Variants in ZNF121 observed in about 807,000 individuals in gnomAD.
ZNF121 encodes zinc finger protein 121 (clone ZHC32).
Under a neutral mutation model 2.4 loss-of-function variants are expected in ZNF121, and 1 was observed. The observed-to-expected ratio is 0.41, with a 90% CI of 0.15 to 1.94. The LOEUF is 1.94. ZNF121 is among the 30% of genes most tolerant of loss of function. The probability of loss-of-function intolerance (pLI) is 0.30; values close to 1 mark genes in which losing one functional copy is unlikely to be tolerated. For synonymous variants in ZNF121, 173 were observed against 158.6 expected (o/e 1.09, Z -0.68); for missense variants, 369 against 466.3 (o/e 0.79, Z 1.92).
chr19:9,574,146 T>G (rs911682021), intron 1 of ZNF121, among the ~76,000 whole-genome samples: 10 of 151,932 alleles, frequency 6.6e-5, no homozygotes, highest in African/African-American at 2.4e-4. Flanking sequence ...CCATTTTAAT[T>G]TATTTATACA....
Position 9,560,329 on chromosome 19 carries a change from TTC to T in ZNF121, c.*5609_*5610del, listed in dbSNP as rs2074094285. ...AAAGCACAAAATTGACCCAAGTAAC[TTC>T]TTTTATTACAATTTTTATTGTGATA... On this transcript the variant is annotated 3_prime_UTR_variant, in exon 4 of 4. Transcript: ENST00000320451. 1.3e-5 allele frequency: 2 copies of T among 152,244 alleles called. No individual in the cohort carries two copies. The highest frequency in any genetic ancestry group is 4.8e-5 in the African/African-American group (2 of 41,476). The allele number at this position is 152,244 out of a possible 1,614,324, so 9.4% of individuals were successfully genotyped here.
Position 9,565,353 on chromosome 19 carries a change from CAAAAAAAAAAAAAA to C in ZNF121, c.*573_*586del, listed in dbSNP as rs71185609. 42 of 29,870 alleles carry C rather than the reference CAAAAAAAAAAAAAA, an allele frequency of 1.4e-3. No individual in the cohort carries two copies. Among genetic ancestry groups the C allele is most frequent in the East Asian group, 5.7e-3 (4 of 698 alleles). The allele number at this position is 29,870 out of a possible 1,614,324, so 1.9% of individuals were successfully genotyped here. A position where few individuals can be genotyped will look rare whatever the true frequency, so the allele number is the denominator to read the frequency against. ...AAGAATGTGTATTAACAACGACTTA[CAAAAAAAAAAAAAA>C]AAAAAAAAAAAAAAAAAAAAGGCCA... On this transcript the variant is annotated 3_prime_UTR_variant, in exon 4 of 4. Transcript: ENST00000320451.
At position 9,563,950 on chromosome 19, in the gene ZNF121, A is replaced by C. The variant is rs1048665693; in HGVS notation, c.*1990T>G. ...TTTCAAAATATTACCACTGATAATGAACCTACTAACCAAGAGCTCTTATGG... is the reference window on the plus strand; with the variant it reads ...TTTCAAAATATTACCACTGATAATGCACCTACTAACCAAGAGCTCTTATGG... On this transcript the variant is annotated 3_prime_UTR_variant, in exon 4 of 4. Transcript: ENST00000320451. The C allele has an allele frequency of 6.6e-6, 1 of 152,204 alleles. No homozygotes were observed. Among genetic ancestry groups the C allele is most frequent in the African/African-American group, 2.4e-5 (1 of 41,448 alleles). The allele number at this position is 152,204 out of a possible 1,614,324, so 9.4% of individuals were successfully genotyped here.
In ZNF121 at chr19:9,582,944, G is replaced by A. The variant is rs184747331; in HGVS notation, c.-160+1517C>T. ...TAAAGCCTCCATCCTGGCCAGGAGC[G>A]GAGGCTCACGCCTGTAATCCCAGCT... On this transcript the variant is annotated intron_variant, in intron 1 of 3. Coordinates refer to ENST00000320451, the MANE Select transcript of ZNF121 (RefSeq NM_001008727.5). 8.1e-3 allele frequency among the ~76,000 whole-genome samples: 444 copies of A among 55,022 alleles called. 4 individuals carry two copies. The highest frequency in any genetic ancestry group is 0.058 in the African/African-American group (428 of 7,436). 36.1% of individuals were successfully genotyped at this position (55,022 alleles called of 152,430 possible). A position where few individuals can be genotyped will look rare whatever the true frequency, so the allele number is the denominator to read the frequency against.
chr19:9,575,321 G>A (rs1157841653), intron 1 of ZNF121, among the ~76,000 whole-genome samples: 4 of 152,226 alleles, frequency 2.6e-5, no homozygotes, highest in East Asian at 1.9e-4. Context: ...TACACTGGAG[G>A]CTGAGGCAGG....
At position 9,584,474 on chromosome 19, in the gene ZNF121, G is replaced by A. The variant is rs1458688851; in HGVS notation, c.-173C>T. 6.6e-6 allele frequency: 1 copy of A among 152,324 alleles called. No homozygotes were observed. The highest frequency in any genetic ancestry group is 1.5e-5 in the Non-Finnish European group (1 of 68,130). 9.4% of individuals were successfully genotyped at this position (152,324 alleles called of 1,614,324 possible). On this transcript the variant is annotated 5_prime_UTR_variant, in exon 1 of 4. Coordinates refer to ENST00000320451, the MANE Select transcript of ZNF121 (RefSeq NM_001008727.5). Reference sequence around the variant, plus strand: ...GGCGGAACTCACCACAGCCAGGGTGGACTCCACCACGATAAAGGCGAAATG... The same window carrying A: ...GGCGGAACTCACCACAGCCAGGGTGAACTCCACCACGATAAAGGCGAAATG...
chr19:9,571,872 C>CA (rs1370344247), intron 1 of ZNF121, among the ~76,000 whole-genome samples: 9 of 152,204 alleles, frequency 5.9e-5, no homozygotes, highest in Non-Finnish European at 1.3e-4. Context: ...CCTCCTGCCT[C>CA]AGCCTCCCGA....
intron 1 of ZNF121, among the ~76,000 whole-genome samples, chr19:9,573,014 C>G: frequency 6.9e-6 from 1 of 145,224 alleles, no homozygotes; most frequent in South Asian, 2.2e-4. Context: ...GACCTTGTCT[C>G]AAAACAACAA....
Position 9,565,176 on chromosome 19 carries a change from G to A in ZNF121, c.*764C>T, listed in dbSNP as rs752524593. 17 of 151,698 alleles carry A rather than the reference G, an allele frequency of 1.1e-4. No homozygotes were observed. Among genetic ancestry groups the A allele is most frequent in the Non-Finnish European group, 2.2e-4 (15 of 67,944 alleles). 9.4% of individuals were successfully genotyped at this position (151,698 alleles called of 1,614,324 possible). On this transcript the variant is annotated 3_prime_UTR_variant, in exon 4 of 4. Coordinates refer to ENST00000320451, the MANE Select transcript of ZNF121 (RefSeq NM_001008727.5). ...TATCTACAGGGCATGCCTGTATCTTGTATCAATAGGGTTTCTCTTCTCCAT... is the reference window on the plus strand; with the variant it reads ...TATCTACAGGGCATGCCTGTATCTTATATCAATAGGGTTTCTCTTCTCCAT...
intron 1 of ZNF121, among the ~76,000 whole-genome samples, chr19:9,576,859 G>A (rs947292826): frequency 6.6e-6 from 1 of 152,072 alleles, no homozygotes; most frequent in African/African-American, 2.4e-5. Context: ...GATAAGCCTG[G>A]AAGAAATGGA....
At position 9,560,890 on chromosome 19, in the gene ZNF121, C is replaced by T. The variant is rs2074097605; in HGVS notation, c.*5050G>A. ...TTAAACCTAGTGCTTTTATATTACG[C>T]CCTGAGCTAAAGATAAGAACTGTGA... On this transcript the variant is annotated 3_prime_UTR_variant, in exon 4 of 4. Coordinates refer to ENST00000320451, the MANE Select transcript of ZNF121 (RefSeq NM_001008727.5). 1 of 152,172 alleles carries T rather than the reference C, an allele frequency of 6.6e-6. No individual in the cohort carries two copies. The highest frequency in any genetic ancestry group is 2.1e-4 in the South Asian group (1 of 4,830). 9.4% of individuals were successfully genotyped at this position (152,172 alleles called of 1,614,324 possible).
In ZNF121 at chr19:9,563,864, T is replaced by C. The variant is rs1568496371; in HGVS notation, c.*2076A>G. Reference sequence around the variant, plus strand: ...TTCCTGTGGTATCTATTTACATCTATTTACAGCATGGTTTACTGAATATTT... The same window carrying C: ...TTCCTGTGGTATCTATTTACATCTACTTACAGCATGGTTTACTGAATATTT... On this transcript the variant is annotated 3_prime_UTR_variant, in exon 4 of 4. Transcript: ENST00000320451. The C allele has an allele frequency of 6.6e-6, 1 of 152,244 alleles. No individual in the cohort carries two copies. The highest frequency in any genetic ancestry group is 1.5e-5 in the Non-Finnish European group (1 of 68,052). The allele number at this position is 152,244 out of a possible 1,614,324, so 9.4% of individuals were successfully genotyped here.
intron 3 of ZNF121, 25 bp downstream of exon 3, chr19:9,568,070 G>T: frequency 6.5e-7 from 1 of 1,533,864 alleles, no homozygotes; most frequent in Non-Finnish European, 8.8e-7. Context: ...TTTTGAGTGT[G>T]GTAAATAAGA....
intron 1 of ZNF121, among the ~76,000 whole-genome samples, chr19:9,576,330 C>CAAA (rs200367568): frequency 0.021 from 2,934 of 138,802 alleles, 100 homozygotes; most frequent in African/African-American, 0.071. Flanking sequence ...CCTGTCCCTT[C>CAAA]AAAAAAAAAA....
intron 1 of ZNF121, among the ~76,000 whole-genome samples, chr19:9,583,475 G>A (rs545578177): frequency 8.7e-4 from 119 of 136,504 alleles, no homozygotes; most frequent in African/African-American, 3.2e-3. Flanking sequence ...ACAGGGGACT[G>A]CCACCAAGCC....
Position 9,560,474 on chromosome 19 carries a change from C to T in ZNF121, c.*5466G>A, listed in dbSNP as rs1374602930. The T allele has an allele frequency of 1.3e-5, 2 of 152,186 alleles. No individual in the cohort carries two copies. The highest frequency in any genetic ancestry group is 4.8e-5 in the African/African-American group (2 of 41,454). The allele number at this position is 152,186 out of a possible 1,614,324, so 9.4% of individuals were successfully genotyped here. Reference sequence around the variant, plus strand: ...GCTTTTCCATCTTGCGTGGCTGACACTCAATACCCATTGAACAACTCATTT... The same window carrying T: ...GCTTTTCCATCTTGCGTGGCTGACATTCAATACCCATTGAACAACTCATTT... On this transcript the variant is annotated 3_prime_UTR_variant, in exon 4 of 4. Coordinates refer to ENST00000320451, the MANE Select transcript of ZNF121 (RefSeq NM_001008727.5).
chr19:9,580,358 C>T (rs1040529194), intron 1 of ZNF121, among the ~76,000 whole-genome samples: 2 of 151,500 alleles, frequency 1.3e-5, no homozygotes, highest in Admixed American at 1.3e-4. Context: ...ACATTCCCTA[C>T]AAAAAGACAT....
rs2144801978 is a variant in ZNF121 at position 9,564,596 on chromosome 19, G to A, written c.*1344C>T. On this transcript the variant is annotated 3_prime_UTR_variant, in exon 4 of 4. Coordinates refer to ENST00000320451, the MANE Select transcript of ZNF121 (RefSeq NM_001008727.5). ...GTGAAAAAACTTGAACAGATGAGAG[G>A]CTGCTTTGTATAGATAAGCAAAGAA... The A allele has an allele frequency of 6.6e-6, 1 of 152,226 alleles. No homozygotes were observed. Among genetic ancestry groups the A allele is most frequent in the Non-Finnish European group, 1.5e-5 (1 of 68,032 alleles). 9.4% of individuals were successfully genotyped at this position (152,226 alleles called of 1,614,324 possible). A position where few individuals can be genotyped will look rare whatever the true frequency, so the allele number is the denominator to read the frequency against.
chr19:9,567,199 T>G lies in ZNF121; in HGVS notation c.4-90A>C, dbSNP rs888966628. Reference sequence around the variant, plus strand: ...CTGAAATCAGACAGTTTATTATGATTATAATTTTTGCCATTTTCATTACAT... The same window carrying G: ...CTGAAATCAGACAGTTTATTATGATGATAATTTTTGCCATTTTCATTACAT... On this transcript the variant is annotated intron_variant, in intron 3 of 3. Coordinates refer to ENST00000320451, the MANE Select transcript of ZNF121 (RefSeq NM_001008727.5). The G allele has an allele frequency of 5.9e-5, 74 of 1,263,094 alleles. No individual in the cohort carries two copies. The South Asian group carries it at 1.1e-3, about 19-fold the overall frequency. 78.2% of individuals were successfully genotyped at this position (1,263,094 alleles called of 1,614,324 possible). A position where few individuals can be genotyped will look rare whatever the true frequency, so the allele number is the denominator to read the frequency against.
Sources: allele counts gnomAD v4.1 joint callset (sites outside exome capture counted in the v4.1 genomes callset), GRCh38; gene constraint gnomAD v4.1.1; transcripts MANE v1.5; gene names NCBI Gene and HGNC (gene_info 2026-07-23, HGNC 2026-07-21).